The following ATG10 variants were observed in gnomAD, a reference collection of about 807,000 sequenced individuals.
The protein encoded by ATG10 is autophagy related 10.
ATG10 carries 30 observed loss-of-function variants against 32.1 expected under a neutral mutation model. That is an observed-to-expected ratio of 0.94 (90% CI 0.70 to 1.27). The LOEUF is 1.27. Ranked by LOEUF, ATG10 falls within the 50% of genes most tolerant of loss-of-function variation. The pLI is 0.00. For synonymous variants in ATG10, 87 were observed against 91.5 expected (o/e 0.95, Z 0.28); for missense variants, 233 against 262.3 (o/e 0.89, Z 0.77).
intron 3 of ATG10, among the ~76,000 whole-genome samples, chr5:82,161,149 A>C (rs1743322608): frequency 6.6e-6 from 1 of 152,208 alleles, no homozygotes; most frequent in South Asian, 2.1e-4. Flanking sequence ...GGTGACCACA[A>C]ATGATGGAAA....
At chr5:82,136,582 T>C (rs1169912481) in intron 3 of ATG10, among the ~76,000 whole-genome samples, 2 of 152,236 alleles carry the variant, frequency 1.3e-5, no homozygotes, top group African/African-American at 4.8e-5. Context: ...GTAGGGTTTC[T>C]GCAGAGAGAT....
chr5:82,246,430 T>C (rs1747037149), intron 5 of ATG10, among the ~76,000 whole-genome samples: 1 of 151,178 alleles, frequency 6.6e-6, no homozygotes, highest in South Asian at 2.1e-4. Flanking sequence ...GGCTTATGCC[T>C]ATAATCCCAG....
chr5:82,124,135 C>T (rs1365659798), intron 3 of ATG10, among the ~76,000 whole-genome samples: 3 of 141,996 alleles, frequency 2.1e-5, no homozygotes, highest in African/African-American at 7.9e-5. Context: ...TGCAGTGGTG[C>T]GATCTTGGCT....
intron 3 of ATG10, among the ~76,000 whole-genome samples, chr5:82,121,959 T>TA (rs1352738634): frequency 1.1e-4 from 16 of 151,250 alleles, no homozygotes; most frequent in African/African-American, 3.2e-4. Context: ...TTTTTTTTTT[T>TA]TATGTCTTTG....
chr5:82,028,276 G>T (rs1222039815), intron 2 of ATG10, among the ~76,000 whole-genome samples: 1 of 152,144 alleles, frequency 6.6e-6, no homozygotes, highest in Non-Finnish European at 1.5e-5. Flanking sequence ...ATGCTGAATT[G>T]CTGTATGAGT....
At chr5:82,167,997 C>T (rs1182483311) in intron 4 of ATG10, among the ~76,000 whole-genome samples, 1 of 152,108 alleles carries the variant, frequency 6.6e-6, no homozygotes, top group Non-Finnish European at 1.5e-5. Context: ...AATAAATAGC[C>T]TACATTGGAA....
chr5:82,237,274 A>G (rs1442567893), intron 5 of ATG10, among the ~76,000 whole-genome samples: 1 of 152,016 alleles, frequency 6.6e-6, no homozygotes, highest in African/African-American at 2.4e-5. Flanking sequence ...CTTATATTCT[A>G]CGGCCACACT....
chr5:82,141,801 C>A (rs1767158567), intron 3 of ATG10, among the ~76,000 whole-genome samples: 1 of 151,664 alleles, frequency 6.6e-6, no homozygotes, highest in Non-Finnish European at 1.5e-5. Context: ...GTTGCAGTTA[C>A]ACACACATAC....
intron 3 of ATG10, among the ~76,000 whole-genome samples, chr5:82,087,621 C>G (rs757304789): frequency 3.9e-5 from 6 of 152,092 alleles, no homozygotes; most frequent in Non-Finnish European, 7.4e-5. Context: ...AGTGGTGAAC[C>G]TGACTGTCAA....
At chr5:82,243,713 G>A (rs377407578) in intron 5 of ATG10, among the ~76,000 whole-genome samples, 7 of 152,176 alleles carry the variant, frequency 4.6e-5, no homozygotes, top group African/African-American at 1.7e-4. Context: ...AACTGTTATA[G>A]GGGAGATTTA....
intron 4 of ATG10, among the ~76,000 whole-genome samples, chr5:82,175,671 T>C (rs1455509898): frequency 6.6e-6 from 1 of 152,188 alleles, no homozygotes; most frequent in African/African-American, 2.4e-5. Flanking sequence ...CCTGGTGGTC[T>C]TTCCACTGGT....
At chr5:82,157,366 T>C (rs1367180569) in intron 3 of ATG10, among the ~76,000 whole-genome samples, 1 of 152,188 alleles carries the variant, frequency 6.6e-6, no homozygotes, top group Non-Finnish European at 1.5e-5. Context: ...TTGGATGCTG[T>C]TAGACATATG....
intron 3 of ATG10, among the ~76,000 whole-genome samples, chr5:82,088,479 G>A (rs951423314): frequency 2.0e-5 from 3 of 152,140 alleles, no homozygotes; most frequent in Non-Finnish European, 2.9e-5. Context: ...TAAGGTGATT[G>A]CAGGGGAAGA....
intron 2 of ATG10, among the ~76,000 whole-genome samples, chr5:81,994,972 G>A (rs1315661637): frequency 6.6e-6 from 1 of 152,166 alleles, no homozygotes; most frequent in African/African-American, 2.4e-5. Flanking sequence ...TGGACAGAAA[G>A]AATCCCAGGT....
At chr5:82,166,421 G>A (rs2149903216) in intron 4 of ATG10, among the ~76,000 whole-genome samples, 1 of 152,232 alleles carries the variant, frequency 6.6e-6, no homozygotes, top group South Asian at 2.1e-4. Context: ...GCTTGTTCAG[G>A]TACATTAAAA....
At chr5:82,083,492 C>T (rs1009409923) in intron 3 of ATG10, among the ~76,000 whole-genome samples, 3 of 152,174 alleles carry the variant, frequency 2.0e-5, no homozygotes, top group African/African-American at 7.2e-5. Context: ...GTGGTCCTCC[C>T]AGCACAGAGT....
chr5:82,140,029 C>T (rs1277662474), intron 3 of ATG10, among the ~76,000 whole-genome samples: 2 of 132,632 alleles, frequency 1.5e-5, no homozygotes, highest in Non-Finnish European at 3.3e-5. Flanking sequence ...GTGAGGAGCC[C>T]CTCTGCCCGG....
chr5:81,997,074 C>A (rs73766501), intron 2 of ATG10, among the ~76,000 whole-genome samples: 9,647 of 152,228 alleles, frequency 0.063, 1,016 homozygotes, highest in African/African-American at 0.22. Flanking sequence ...TCACCCTGTG[C>A]CACCATTGTG....
intron 5 of ATG10, among the ~76,000 whole-genome samples, chr5:82,192,363 T>C (rs1484493005): frequency 6.6e-6 from 1 of 152,200 alleles, no homozygotes; most frequent in Admixed American, 6.5e-5. Context: ...CCTATTCAAC[T>C]AGCCAGAGAG....
Sources: gnomAD v4.1 joint callset for allele counts (sites outside exome capture counted in the v4.1 genomes callset) on GRCh38, gnomAD v4.1.1 for gene constraint, MANE v1.5 for transcripts, NCBI Gene and HGNC (gene_info 2026-07-23, HGNC 2026-07-21) for gene names.